DHX37: variants seen among roughly 807,000 people sequenced by gnomAD.
DHX37 encodes the protein probable ATP-dependent RNA helicase DHX37.
In DHX37, 52 loss-of-function variants were observed where a neutral mutation model predicts 134.3. The observed-to-expected ratio is 0.39, with a 90% confidence interval of 0.31 to 0.49. The LOEUF (loss-of-function observed/expected upper bound fraction) is 0.49, where lower values mean the gene tolerates loss of function less well. Ranked by LOEUF, DHX37 falls within the 20% of genes least tolerant of loss-of-function variation. DHX37 has a pLI of 0.93. For synonymous variants in DHX37, 634 were observed against 670.7 expected, an observed-to-expected ratio of 0.95 and a Z score of 0.85; for missense variants, 1,344 against 1,580.8, an observed-to-expected ratio of 0.85 and a Z score of 2.54.
intron 10 of DHX37, among the ~76,000 whole-genome samples, chr12:124,967,765 G>A (rs113112515): frequency 6.6e-6 from 1 of 152,080 alleles, no homozygotes; most frequent in African/African-American, 2.4e-5. Context: ...GCCCAAATTC[G>A]GCACACAAGA....
intron 15 of DHX37, among the ~76,000 whole-genome samples, chr12:124,962,823 C>T (rs11610367): frequency 0.22 from 33,008 of 151,302 alleles, 4,332 homozygotes; most frequent in East Asian, 0.57. Flanking sequence ...GGTGACATAG[C>T]GAGACTCCAT....
At position 124,989,023 on chromosome 12, in the gene DHX37, G is replaced by A; in HGVS notation, c.-1C>T. 2.2e-6 allele frequency: 3 copies of A among 1,367,798 alleles called. No individual in the cohort carries two copies. Among genetic ancestry groups the A allele is most frequent in the African/African-American group, 1.5e-5 (1 of 66,758 alleles). 84.7% of individuals were successfully genotyped at this position (1,367,798 alleles called of 1,614,324 possible). A position where few individuals can be genotyped will look rare whatever the true frequency, so the allele number is the denominator to read the frequency against. On this transcript the variant is annotated 5_prime_UTR_variant, in exon 1 of 27. Coordinates refer to ENST00000308736, the MANE Select transcript of DHX37 (RefSeq NM_032656.4). The stretch of plus-strand genomic sequence containing the variant: ...TGTAGCGCCGGCGCAGCTTCCCCAT[G>A]GCGACTAGGCCAGGGTGGGCGCTCC...
chr12:124,981,687 G>A (rs1479783413), intron 3 of DHX37, among the ~76,000 whole-genome samples: 1 of 151,374 alleles, frequency 6.6e-6, no homozygotes, highest in Non-Finnish European at 1.5e-5. Context: ...CACCCGCCTC[G>A]GCCTCCCAAA....
At position 124,960,948 on chromosome 12, in the gene DHX37, C is replaced by T. The variant is rs192265223; in HGVS notation, c.2046-525G>A. ...CAGCCTGGGCGACAGAGCGAGACTC[C>T]GTCTCAAAACCAAAAGAAAAGGTAT... is the stretch of plus-strand genomic sequence containing the variant. On this transcript the variant is annotated intron_variant, in intron 15 of 26. Coordinates refer to ENST00000308736, the MANE Select transcript of DHX37 (RefSeq NM_032656.4). 4.6e-5 allele frequency among the ~76,000 whole-genome samples: 7 copies of T among 152,340 alleles called. No individual in the cohort carries two copies. In the East Asian group the frequency reaches 7.7e-4, roughly 17 times the overall value.
Position 124,980,252 on chromosome 12 carries a change from G to A in DHX37, c.738+238C>T, listed in dbSNP as rs564112741. On this transcript the variant is annotated intron_variant, in intron 4 of 26. Transcript: ENST00000308736. The surrounding 1 kb of genome is among the most constrained non-coding windows in gnomAD (Gnocchi z 5.3). The stretch of plus-strand genomic sequence containing the variant: ...CAGTGGCGATGAAGCTACTGCCGCC[G>A]ACCTCCAGGGCCCCGAGCCTGCCAG... Among the ~76,000 whole-genome samples, 1 of 152,354 alleles carries A rather than the reference G, an allele frequency of 6.6e-6. No homozygotes were observed. The highest frequency in any genetic ancestry group is 6.5e-5 in the Admixed American group (1 of 15,304).
intron 4 of DHX37, among the ~76,000 whole-genome samples, chr12:124,978,506 C>G (rs910233716): frequency 6.8e-6 from 1 of 146,612 alleles, no homozygotes; most frequent in Non-Finnish European, 1.5e-5. Flanking sequence ...TCAGTAGAGA[C>G]GGGGTTTCAC....
rs560013964 is a variant in DHX37 at position 124,981,133 on chromosome 12, C to T, written c.390-295G>A. Among the ~76,000 whole-genome samples, 5 of 152,286 alleles carry T rather than the reference C, an allele frequency of 3.3e-5. No individual in the cohort carries two copies. In the South Asian group the frequency reaches 6.2e-4, roughly 19 times the overall value. On this transcript the variant is annotated intron_variant, in intron 3 of 26. Transcript: ENST00000308736. The stretch of plus-strand genomic sequence containing the variant: ...TCCCAGCGTGGGACACAGATGCACT[C>T]GCCTGATGACTTCCCACGATTACAT...
At chr12:124,986,960 G>C (rs114140766) in intron 1 of DHX37, among the ~76,000 whole-genome samples, 1 of 152,024 alleles carries the variant, frequency 6.6e-6, no homozygotes, top group Non-Finnish European at 1.5e-5. Context: ...TTAGCCAGGC[G>C]GTCTCGAACT....
At chr12:124,985,553 G>C (rs1426931063) in intron 2 of DHX37, among the ~76,000 whole-genome samples, 1 of 140,558 alleles carries the variant, frequency 7.1e-6, no homozygotes, top group African/African-American at 2.7e-5. Context: ...TGGCTAACAT[G>C]ATGAAACCCC....
chr12:124,980,834 C>T lies in DHX37; in HGVS notation c.394G>A (p.Ala132Thr). The T allele has an allele frequency of 6.4e-7, 1 of 1,551,124 alleles. No individual in the cohort carries two copies. The highest frequency in any genetic ancestry group is 8.7e-7 in the Non-Finnish European group (1 of 1,151,652). Residue 132 changes from alanine (A) to threonine (T), a missense_variant, in exon 4 of 27, where the codon GCT becomes ACT. This residue lies in a region of DHX37 where 319 missense variants were observed against 296.1 expected (regional missense o/e 1.08). Coordinates refer to ENST00000308736, the MANE Select transcript of DHX37 (RefSeq NM_032656.4). The surrounding 1 kb of genome is among the most constrained non-coding windows in gnomAD (Gnocchi z 5.3). Reference sequence around the variant, plus strand: ...TGGCCCGGGGCTACCACCTCGTCAGCCTTCCTGTTGAGATAGCAGAGACTT... The same window carrying T: ...TGGCCCGGGGCTACCACCTCGTCAGTCTTCCTGTTGAGATAGCAGAGACTT... ...GNRMYHTKEK[A>T]DEVVAPGQEK...
In DHX37 at chr12:124,948,152, C is replaced by G. The variant is rs751307460; in HGVS notation, c.3320G>C (p.Arg1107Pro). The change falls in exon 26 of 27, where the codon CGA (arginine) becomes CCA (proline). Residue 1107 changes from arginine (R) to proline (P), a missense_variant. Physicochemically the swap from Arg to Pro is moderately radical, Grantham distance 103 (BLOSUM62 -2). Transcript: ENST00000308736. ...RLQPRTESLL[R>P]ALVAEKADCH... is the part of the protein sequence containing the mutation. ...GTCAGCCTTCTCTGCAACCAGGGCT[C>G]GCAGAAGGCTCTCCGTACGGGGCTG... is the stretch of plus-strand genomic sequence containing the variant. 6.2e-7 allele frequency: 1 copy of G among 1,614,204 alleles called. No individual in the cohort carries two copies. The highest frequency in any genetic ancestry group is 8.5e-7 in the Non-Finnish European group (1 of 1,180,038).
chr12:124,981,403 T>C (rs1402878709), intron 3 of DHX37, among the ~76,000 whole-genome samples: 1 of 152,092 alleles, frequency 6.6e-6, no homozygotes, highest in Non-Finnish European at 1.5e-5. Context: ...AGCAGCTTGG[T>C]GGGGACACTG....
chr12:124,954,347 G>T, intron 18 of DHX37, 136 bp from the exon 19 acceptor site: 1 of 1,338,136 alleles, frequency 7.5e-7, no homozygotes, highest in African/African-American at 1.5e-5. Flanking sequence ...AAGGTATTAA[G>T]GTCCAGCTCA....
intron 9 of DHX37, 29 bp from the exon 10 acceptor site, chr12:124,968,677 G>A (rs1954449536): frequency 1.2e-6 from 2 of 1,612,704 alleles, no homozygotes; most frequent in Non-Finnish European, 1.7e-6. Flanking sequence ...GGCATGGGGA[G>A]TGGGGGGGAC....
intron 9 of DHX37, 87 bp downstream of exon 9, chr12:124,968,780 G>A: frequency 6.3e-7 from 1 of 1,596,754 alleles, no homozygotes; most frequent in Non-Finnish European, 8.5e-7. Flanking sequence ...TCCCCCCTGT[G>A]ACCAAGTGAG....
At chr12:124,963,168 C>G (rs1380612946) in intron 15 of DHX37, among the ~76,000 whole-genome samples, 1 of 152,202 alleles carries the variant, frequency 6.6e-6, no homozygotes, top group African/African-American at 2.4e-5. Context: ...CATTCAGCCA[C>G]GGCCAGGAAC....
rs772227260 is a variant in DHX37 at position 124,980,667 on chromosome 12, C to T, written c.561G>A (p.Pro187=). The part of the protein sequence containing the change: ...SELDEDPAAE[P]AEAGVGTTVA... ...CGGTGGTCCCCACACCAGCCTCAGC[C>T]GGCTCAGCAGCTGGGTCCTCGTCCA... The change falls in exon 4 of 27, where the codon CCG becomes CCA. Residue 187 remains proline (P), a synonymous_variant. Coordinates refer to ENST00000308736, the MANE Select transcript of DHX37 (RefSeq NM_032656.4). This position sits in a 1 kb window ranked among gnomAD's most constrained non-coding sequence, Gnocchi z 5.3. The T allele has an allele frequency of 5.8e-5, 92 of 1,599,578 alleles. No individual in the cohort carries two copies. Among genetic ancestry groups the T allele is most frequent in the Non-Finnish European group, 7.0e-5 (82 of 1,174,958 alleles).
intron 8 of DHX37, among the ~76,000 whole-genome samples, chr12:124,969,936 A>C (rs1594495891): frequency 6.6e-6 from 1 of 150,742 alleles, no homozygotes; most frequent in Admixed American, 6.6e-5. Flanking sequence ...AAAAACAAAA[A>C]CCACCACCAC....
intron 16 of DHX37, among the ~76,000 whole-genome samples, chr12:124,958,719 T>G (rs571514941): frequency 4.0e-5 from 6 of 149,612 alleles, no homozygotes; most frequent in African/African-American, 1.5e-4. Flanking sequence ...CTCTGCCTCT[T>G]GGGTTCAAGA....
Sources: gnomAD v4.1 joint callset for allele counts (sites outside exome capture counted in the v4.1 genomes callset) on GRCh38, gnomAD v4.1.1 for gene constraint, gnomAD v4.1.1 regional missense constraint, Gnocchi (gnomAD v3.1) non-coding constraint, MANE v1.5 for transcripts, NCBI Gene and HGNC (gene_info 2026-07-23, HGNC 2026-07-21) for gene names.